The following PCDHGB1 variants were observed in gnomAD, a reference collection of about 807,000 sequenced individuals.
PCDHGB1 encodes the protein protocadherin gamma-B1.
Under a neutral mutation model 56.6 loss-of-function variants are expected in PCDHGB1, and 34 were observed. That is an observed-to-expected ratio of 0.60 (90% confidence interval 0.46 to 0.80). PCDHGB1 has a LOEUF of 0.80. PCDHGB1 is among the 30% of genes least tolerant of loss of function. PCDHGB1 has a pLI of 0.00. For missense variants in PCDHGB1, 1,278 were observed against 1,204.6 expected (o/e 1.06, Z -0.90); for synonymous variants, 561 against 505.9 (o/e 1.11, Z -1.46).
intron 1 of PCDHGB1, chr5:141,364,421 A>T (rs1290592441): frequency 1.2e-6 from 2 of 1,613,602 alleles, no homozygotes; most frequent in Admixed American, 3.3e-5. Flanking sequence ...ATCCGGGCAG[A>T]TCCGCTACTC....
In PCDHGB1 at chr5:141,486,435, A is replaced by G. The variant is rs2099629501; in HGVS notation, c.2410-8372A>G. The G allele has an allele frequency of 6.2e-7, 1 of 1,614,118 alleles. No homozygotes were observed. Among genetic ancestry groups the G allele is most frequent in the Non-Finnish European group, 8.5e-7 (1 of 1,179,960 alleles). ...TTGGATCGAGAGGCCAAATCTAGCT[A>G]TGACATCATGGTCACTGCTTCTGAT... is the stretch of plus-strand genomic sequence containing the variant. On this transcript the variant is annotated intron_variant, in intron 1 of 3. Coordinates refer to ENST00000523390, the MANE Select transcript of PCDHGB1 (RefSeq NM_018922.3). This position sits in a 1 kb window ranked among gnomAD's most constrained non-coding sequence, Gnocchi z 5.0.
chr5:141,360,842 A>T, intron 1 of PCDHGB1: 1 of 1,614,028 alleles, frequency 6.2e-7, no homozygotes, highest in South Asian at 1.1e-5. Context: ...ACGGATGCCA[A>T]CGATAACCCT....
chr5:141,497,125 G>A (rs968031174), intron 2 of PCDHGB1, among the ~76,000 whole-genome samples: 1 of 152,094 alleles, frequency 6.6e-6, no homozygotes, highest in South Asian at 2.1e-4. Context: ...GGCAGAGGTT[G>A]CAGTGAGCTG....
intron 1 of PCDHGB1, chr5:141,418,282 A>G (rs1209026046): frequency 6.2e-7 from 1 of 1,614,030 alleles, no homozygotes; most frequent in Admixed American, 1.7e-5. Flanking sequence ...TAAACTTAGA[A>G]ATCAGTGAAT....
chr5:141,393,690 C>T (rs779487285), intron 1 of PCDHGB1: 4 of 1,613,752 alleles, frequency 2.5e-6, no homozygotes, highest in Non-Finnish European at 2.5e-6. Context: ...TCCGTTATTC[C>T]AGCTTAATGA....
intron 1 of PCDHGB1, chr5:141,357,201 C>T: frequency 6.2e-7 from 1 of 1,613,844 alleles, no homozygotes; most frequent in Non-Finnish European, 8.5e-7. Flanking sequence ...TGGCCGACAG[C>T]ATCCCAGATG....
rs543657386 is a variant in PCDHGB1, at chr5:141,370,919, T to C, written c.2409+18250T>C. 135 of 1,613,966 alleles carry C rather than the reference T, an allele frequency of 8.4e-5. No homozygotes were observed. The South Asian group carries it at 1.4e-3, about 17-fold the overall frequency. On this transcript the variant is annotated intron_variant, in intron 1 of 3. Coordinates refer to ENST00000523390, the MANE Select transcript of PCDHGB1 (RefSeq NM_018922.3). ...TGCAGCAGTACTACCTCAGCCCTGA[T>C]CCGCACTTCTCTTTGATTCAGAAGG... is the stretch of plus-strand genomic sequence containing the variant.
rs374154790 is a variant in PCDHGB1, at chr5:141,490,709, C to A, written c.2410-4098C>A. The A allele has an allele frequency of 3.2e-5, 52 of 1,614,218 alleles. No homozygotes were observed. In the African/African-American group the frequency reaches 6.3e-4, roughly 19 times the overall value. On this transcript the variant is annotated intron_variant, in intron 1 of 3. Coordinates refer to ENST00000523390, the MANE Select transcript of PCDHGB1 (RefSeq NM_018922.3). The surrounding 1 kb of genome is among the most constrained non-coding windows in gnomAD (Gnocchi z 5.4). ...GACACTGGGGATAATGCCCGCCTCA[C>A]CTACTCCATTGTAGGAAATCAGGTT...
intron 1 of PCDHGB1, among the ~76,000 whole-genome samples, chr5:141,396,932 T>C (rs2093455423): frequency 6.6e-6 from 1 of 152,230 alleles, no homozygotes; most frequent in Non-Finnish European, 1.5e-5. Flanking sequence ...CGGATGAAAG[T>C]TGCCCTGGTA....
At position 141,473,628 on chromosome 5, in the gene PCDHGB1, A is replaced by T. The variant is rs533175704; in HGVS notation, c.2410-21179A>T. The stretch of plus-strand genomic sequence containing the variant: ...AAAGCAAAGGGAGGGAGGAAAAAGC[A>T]GCTTTCCTGGCAAAGGAACAATTTG... On this transcript the variant is annotated intron_variant, in intron 1 of 3. Transcript: ENST00000523390. 4.6e-5 allele frequency among the ~76,000 whole-genome samples: 7 copies of T among 152,334 alleles called. No individual in the cohort carries two copies. In the South Asian group the frequency reaches 1.4e-3, roughly 32 times the overall value.
chr5:141,360,162 G>A, intron 1 of PCDHGB1: 2 of 1,607,024 alleles, frequency 1.2e-6, no homozygotes, highest in Non-Finnish European at 1.7e-6. Context: ...GGAGGTGCGG[G>A]CTGGTGCGGT....
Position 141,438,902 on chromosome 5 carries a change from G to A in PCDHGB1, c.2410-55905G>A, listed in dbSNP as rs185216039. 2.0e-5 allele frequency among the ~76,000 whole-genome samples: 3 copies of A among 151,906 alleles called. No homozygotes were observed. The East Asian group carries it at 5.8e-4, about 29-fold the overall frequency. On this transcript the variant is annotated intron_variant, in intron 1 of 3. Coordinates refer to ENST00000523390, the MANE Select transcript of PCDHGB1 (RefSeq NM_018922.3). ...GCTGCTCTTGAACTCCTGACCTCAGGTGATCCACCTGCCTTGGCCTCCCAA... is the reference window on the plus strand; with the variant it reads ...GCTGCTCTTGAACTCCTGACCTCAGATGATCCACCTGCCTTGGCCTCCCAA...
intron 1 of PCDHGB1, among the ~76,000 whole-genome samples, chr5:141,452,674 G>A (rs2098746885): frequency 6.6e-6 from 1 of 151,936 alleles, no homozygotes; most frequent in Non-Finnish European, 1.5e-5. Context: ...TCCAGCCTAG[G>A]CCACAGAATG....
At chr5:141,393,166 G>A in intron 1 of PCDHGB1, 2 of 1,613,244 alleles carry the variant, frequency 1.2e-6, no homozygotes, top group Non-Finnish European at 1.7e-6. Flanking sequence ...AAACTCTTTG[G>A]GGTAGAAATA....
chr5:141,399,522 C>T, intron 1 of PCDHGB1: 6 of 1,614,056 alleles, frequency 3.7e-6, no homozygotes, highest in Non-Finnish European at 5.1e-6. Flanking sequence ...CTCCTGGGGC[C>T]TCCATCGCGC....
rs1342481070 is a variant in PCDHGB1 at position 141,485,056 on chromosome 5, C to T, written c.2410-9751C>T. 8 of 840,338 alleles carry T rather than the reference C, an allele frequency of 9.5e-6. No homozygotes were observed. The Admixed American group carries it at 1.9e-4, about 20-fold the overall frequency. 52.1% of individuals were successfully genotyped at this position (840,338 alleles called of 1,614,324 possible). A position where few individuals can be genotyped will look rare whatever the true frequency, so the allele number is the denominator to read the frequency against. The stretch of plus-strand genomic sequence containing the variant: ...CGTAACCCTTGCGGCGCCGGCCGAA[C>T]CGCGCCAGAGCTGGCGCGGGGAAAG... On this transcript the variant is annotated intron_variant, in intron 1 of 3. Transcript: ENST00000523390. The surrounding 1 kb of genome is among the most constrained non-coding windows in gnomAD (Gnocchi z 5.7).
intron 1 of PCDHGB1, chr5:141,388,285 C>T (rs773340535): frequency 1.9e-6 from 3 of 1,613,200 alleles, no homozygotes; most frequent in Non-Finnish European, 2.5e-6. Flanking sequence ...CCAAAATTCA[C>T]GCAAAATTCC....
chr5:141,409,513 C>G (rs2095276446), intron 1 of PCDHGB1: 1 of 1,614,030 alleles, frequency 6.2e-7, no homozygotes, highest in South Asian at 1.1e-5. Flanking sequence ...CCAGTAGAAG[C>G]ATCACCTTGT....
rs200519543 is a variant in PCDHGB1, at chr5:141,439,190, C to CAA, written c.2410-55603_2410-55602dup. 3.7e-3 allele frequency among the ~76,000 whole-genome samples: 409 copies of CAA among 111,790 alleles called. 4 individuals are homozygous for CAA. The highest frequency in any genetic ancestry group is 0.029 in the East Asian group (112 of 3,852). The allele number at this position is 111,790 out of a possible 152,430, so 73.3% of individuals were successfully genotyped here. A position where few individuals can be genotyped will look rare whatever the true frequency, so the allele number is the denominator to read the frequency against. On this transcript the variant is annotated intron_variant, in intron 1 of 3. Transcript: ENST00000523390. Reference sequence around the variant, plus strand: ...CCTGGGCGACATAGTGAGACTCTGACAAAAAAAAAAAAAAATCCATATGTG... The same window carrying CAA: ...CCTGGGCGACATAGTGAGACTCTGACAAAAAAAAAAAAAAAAATCCATATGTG...
Sources: allele counts gnomAD v4.1 joint callset (sites outside exome capture counted in the v4.1 genomes callset), GRCh38; gene constraint gnomAD v4.1.1; non-coding constraint Gnocchi (gnomAD v3.1); transcripts MANE v1.5; gene names NCBI Gene and HGNC (gene_info 2026-07-23, HGNC 2026-07-21).